The following PDE7B variants were observed in gnomAD, a reference collection of about 807,000 sequenced individuals.
PDE7B encodes the protein 3',5'-cyclic-AMP phosphodiesterase 7B.
Under a neutral mutation model 56.2 loss-of-function variants are expected in PDE7B, and 29 were observed. The observed-to-expected ratio is 0.52, with a 90% CI of 0.38 to 0.70. The LOEUF is 0.70. PDE7B is among the 30% of genes least tolerant of loss of function. PDE7B has a pLI of 0.00. For missense variants in PDE7B, 490 were observed against 565.0 expected (o/e 0.87, Z 1.35); for synonymous variants, 197 against 196.9 (o/e 1.00, Z 0.00).
intron 1 of PDE7B, among the ~76,000 whole-genome samples, chr6:135,946,544 C>T (rs770556821): frequency 6.6e-6 from 1 of 152,170 alleles, no homozygotes; most frequent in Admixed American, 6.5e-5. Context: ...GTATCCATTT[C>T]TCTACAGTCT....
intron 8 of PDE7B, among the ~76,000 whole-genome samples, chr6:136,160,565 C>T (rs546002492): frequency 8.8e-4 from 134 of 152,300 alleles, no homozygotes; most frequent in African/African-American, 3.0e-3. Flanking sequence ...CTCTCATCCA[C>T]CTACTCTCAG....
chr6:135,967,972 G>A (rs1297358023), intron 2 of PDE7B, among the ~76,000 whole-genome samples: 1 of 152,284 alleles, frequency 6.6e-6, no homozygotes, highest in South Asian at 2.1e-4. Context: ...TGGAAGCCTT[G>A]GCAAGGGTAC....
intron 2 of PDE7B, chr6:136,047,605 T>C (rs780254470): frequency 1.3e-5 from 2 of 152,074 alleles, no homozygotes; most frequent in Non-Finnish European, 2.9e-5. Flanking sequence ...TACTAGGAGG[T>C]CACAAAATGG....
chr6:136,170,621 A>G (rs1221245951), intron 8 of PDE7B, among the ~76,000 whole-genome samples: 1 of 152,108 alleles, frequency 6.6e-6, no homozygotes, highest in East Asian at 1.9e-4. Context: ...AATACCTGAA[A>G]CTGAGTAATT....
chr6:135,914,724 C>T (rs1278911352), intron 1 of PDE7B, among the ~76,000 whole-genome samples: 1 of 42,912 alleles, frequency 2.3e-5, no homozygotes, highest in East Asian at 1.1e-3. Flanking sequence ...CTCCTGACCT[C>T]GTGATCCGCC....
intron 3 of PDE7B, chr6:136,117,249 C>T (rs1583889982): frequency 6.6e-6 from 1 of 152,186 alleles, no homozygotes; most frequent in East Asian, 1.9e-4. Context: ...AGTCACTGAG[C>T]TAAAATGACT....
Position 136,155,610 on chromosome 6 carries a change from A to G in PDE7B, c.580-17A>G, listed in dbSNP as rs746219627. ...TGAAAATACACCAATCAATCTCCCA[A>G]TTTGTTTTTTTAACAGCTTGCCAGC... is the stretch of plus-strand genomic sequence containing the variant. On this transcript the variant is annotated splice_polypyrimidine_tract_variant and intron_variant, in intron 7 of 12. Transcript: ENST00000308191. 5 of 1,595,842 alleles carry G rather than the reference A, an allele frequency of 3.1e-6. No individual in the cohort carries two copies. Among genetic ancestry groups the G allele is most frequent in the Non-Finnish European group, 3.4e-6 (4 of 1,170,760 alleles).
intron 1 of PDE7B, among the ~76,000 whole-genome samples, chr6:135,878,393 TACTA>T (rs1775541094): frequency 6.6e-6 from 1 of 152,200 alleles, no homozygotes; most frequent in Non-Finnish European, 1.5e-5. Context: ...TATAAAATAA[TACTA>T]AATATGCCAT....
intron 8 of PDE7B, among the ~76,000 whole-genome samples, chr6:136,167,542 G>T (rs1033202523): frequency 6.6e-6 from 1 of 152,052 alleles, no homozygotes. Flanking sequence ...TGATTGTAAG[G>T]CTTCCCCAGC....
chr6:136,106,861 T>G (rs1337532896), intron 2 of PDE7B, among the ~76,000 whole-genome samples: 5 of 152,154 alleles, frequency 3.3e-5, no homozygotes, highest in Admixed American at 1.3e-4. Flanking sequence ...ATAAGTACAT[T>G]TTTTTTAAAG....
chr6:135,902,257 A>C (rs1019221060), intron 1 of PDE7B, among the ~76,000 whole-genome samples: 4 of 152,088 alleles, frequency 2.6e-5, no homozygotes, highest in Admixed American at 2.6e-4. Flanking sequence ...ATTTCTGCCC[A>C]CACAACTTCC....
intron 8 of PDE7B, among the ~76,000 whole-genome samples, chr6:136,168,262 T>C (rs1778826480): frequency 6.6e-6 from 1 of 152,160 alleles, no homozygotes; most frequent in Non-Finnish European, 1.5e-5. Context: ...ATCTCAAACA[T>C]TTAGGAACAA....
intron 2 of PDE7B, among the ~76,000 whole-genome samples, chr6:136,053,966 G>C (rs1194703546): frequency 6.6e-6 from 1 of 152,192 alleles, no homozygotes; most frequent in African/African-American, 2.4e-5. Context: ...CCTTTTGTCA[G>C]ATGAGTAGAT....
At position 136,173,781 on chromosome 6, in the gene PDE7B, TTTTC is replaced by T; in HGVS notation, c.712-6_712-3del. 12 of 1,546,492 alleles carry T rather than the reference TTTTC, an allele frequency of 7.8e-6. No individual in the cohort carries two copies. Among genetic ancestry groups the T allele is most frequent in the Non-Finnish European group, 9.8e-6 (11 of 1,120,004 alleles). On this transcript the variant is annotated splice_polypyrimidine_tract_variant and intron_variant, in intron 8 of 12. Transcript: ENST00000308191. ...GCTTCCCTCTCATTTATAACTCTTA[TTTTC>T]TTTCTTTCTAGAATATGTCTGTGCT...
chr6:135,994,147 T>C (rs1326423401), intron 2 of PDE7B, among the ~76,000 whole-genome samples: 1 of 151,550 alleles, frequency 6.6e-6, no homozygotes, highest in African/African-American at 2.4e-5. Context: ...TGTGTGTGTG[T>C]GTGTGTGTGT....
chr6:136,100,922 T>G (rs1259022072), intron 2 of PDE7B, among the ~76,000 whole-genome samples: 4 of 152,230 alleles, frequency 2.6e-5, no homozygotes, highest in Non-Finnish European at 5.9e-5. Flanking sequence ...ACAGCTCTTA[T>G]TATTTTGAGA....
chr6:136,118,468 T>C (rs1777875196), intron 3 of PDE7B, among the ~76,000 whole-genome samples: 1 of 152,210 alleles, frequency 6.6e-6, no homozygotes, highest in Non-Finnish European at 1.5e-5. Context: ...ACAAATTATA[T>C]CTATGCTTTG....
intron 7 of PDE7B, 31 bp downstream of exon 7, chr6:136,154,206 A>G (rs1778570188): frequency 1.4e-6 from 2 of 1,433,422 alleles, no homozygotes; most frequent in Non-Finnish European, 2.0e-6. Flanking sequence ...CTCCTCAGCC[A>G]CCTGGAAATG....
At chr6:136,069,674 C>A (rs1583863675) in intron 2 of PDE7B, among the ~76,000 whole-genome samples, 1 of 152,092 alleles carries the variant, frequency 6.6e-6, no homozygotes, top group East Asian at 1.9e-4. Flanking sequence ...ACACTTAGTT[C>A]TATAATATAC....
Sources: gnomAD v4.1 joint callset for allele counts (sites outside exome capture counted in the v4.1 genomes callset) on GRCh38, gnomAD v4.1.1 for gene constraint, MANE v1.5 for transcripts, NCBI Gene and HGNC (gene_info 2026-07-23, HGNC 2026-07-21) for gene names.